Variants in ZNF41 observed in about 807,000 individuals in gnomAD.
ZNF41 encodes the protein zinc finger protein 41.
ZNF41 carries 6 observed loss-of-function variants against 9.3 expected under a neutral mutation model. The observed-to-expected ratio is 0.65, with a 90% CI of 0.35 to 1.28. ZNF41 has a LOEUF of 1.28. Ranked by LOEUF, ZNF41 falls within the 50% of genes most tolerant of loss-of-function variation. The pLI is 0.03. For synonymous variants in ZNF41, 192 were observed against 207.1 expected (o/e 0.93, Z 0.63); for missense variants, 523 against 585.8 (o/e 0.89, Z 1.11).
chrX:47,455,529 G>C (rs1362636174), intron 4 of ZNF41, among the ~76,000 whole-genome samples: 1 of 110,929 alleles, frequency 9.0e-6, no homozygotes, highest in East Asian at 2.8e-4. Flanking sequence ...AGGTTGCATT[G>C]AGCCAAGATC....
chrX:47,450,696 A>G (rs1211144403), intron 4 of ZNF41, among the ~76,000 whole-genome samples: 1 of 112,005 alleles, frequency 8.9e-6, no homozygotes, highest in Non-Finnish European at 1.9e-5. Context: ...CAGCAGTGGA[A>G]TATGAGCAGA....
intron 4 of ZNF41, among the ~76,000 whole-genome samples, chrX:47,454,179 T>A (rs1249811667): frequency 1.8e-5 from 2 of 110,575 alleles, no homozygotes; most frequent in Non-Finnish European, 3.8e-5. Flanking sequence ...GGGCAAATAA[T>A]AAATGGGATG....
In ZNF41 at chrX:47,449,024, T is replaced by G. The variant is rs34445771; in HGVS notation, c.746A>C (p.Glu249Ala). The change falls in exon 5 of 5, where the codon GAA (glutamate) becomes GCA (alanine). Residue 249 changes from glutamate to alanine, a missense_variant. By Grantham distance (107) the Glu-to-Ala change is moderately radical. Transcript: ENST00000684689. ...AGCTTGTTTGTGGCTGAGATGTTTT[T>G]CATAGTGGTCATGTTCACAGGAATT... ...GANSCEHDHY[E>A]KHLSHKQAPT... 722 of 1,209,897 alleles carry G rather than the reference T, an allele frequency of 6.0e-4. 4 individuals are homozygous for G. The African/African-American group carries it at 0.012, about 20-fold the overall frequency.
intron 1 of ZNF41, 36 bp downstream of exon 1, chrX:47,483,059 G>C (rs1208143929): frequency 2.7e-5 from 3 of 112,086 alleles, no homozygotes; most frequent in African/African-American, 6.5e-5. Flanking sequence ...CTCCCGCGGC[G>C]GCCGGGACCC....
In ZNF41 at chrX:47,448,887, C is replaced by A. The variant is rs775384177; in HGVS notation, c.883G>T (p.Gly295Ter). 8.3e-7 allele frequency: 1 copy of A among 1,211,652 alleles called. No individual in the cohort carries two copies. The highest frequency in any genetic ancestry group is 1.1e-6 in the Non-Finnish European group (1 of 895,537). ...HLFEHQRIHA[G>*]EKSRECDKSN... ...TTGTCACATTCACGGGACTTTTCTC[C>A]AGCATGAATTCTCTGATGCTCAAAC... is the stretch of plus-strand genomic sequence containing the variant. The change falls in exon 5 of 5, where the codon GGA becomes TGA. Residue 295 changes from glycine (G) to a stop codon, truncating the protein, a stop_gained. Transcript: ENST00000684689. LOFTEE classifies it low-confidence loss of function (END_TRUNC).
In ZNF41 at chrX:47,446,815, T is replaced by C. The variant is rs1242616155; in HGVS notation, c.*615A>G. 8.9e-6 allele frequency: 1 copy of C among 112,463 alleles called. No homozygotes were observed. Among genetic ancestry groups the C allele is most frequent in the Non-Finnish European group, 1.9e-5 (1 of 53,781 alleles). 9.3% of individuals were successfully genotyped at this position (112,463 alleles called of 1,213,427 possible). ...TAAAAATTCCATTGCACTTAAAATATATATACCATGAGGACTTCCCAAGGG... is the reference window on the plus strand; with the variant it reads ...TAAAAATTCCATTGCACTTAAAATACATATACCATGAGGACTTCCCAAGGG... On this transcript the variant is annotated 3_prime_UTR_variant, in exon 5 of 5. Transcript: ENST00000684689.
intron 4 of ZNF41, among the ~76,000 whole-genome samples, chrX:47,452,603 T>C (rs1474633228): frequency 1.8e-5 from 2 of 111,797 alleles, no homozygotes; most frequent in Non-Finnish European, 3.8e-5. Context: ...TATCTGCTAT[T>C]CCTTTATTCT....
chrX:47,457,128 G>C (rs946770511), intron 2 of ZNF41, among the ~76,000 whole-genome samples: 1 of 112,245 alleles, frequency 8.9e-6, no homozygotes, highest in Non-Finnish European at 1.9e-5. Flanking sequence ...ACATACATCA[G>C]GCTGGGCATG....
chrX:47,455,226 C>T (rs1049701148), intron 4 of ZNF41, among the ~76,000 whole-genome samples: 1 of 103,641 alleles, frequency 9.6e-6, no homozygotes, highest in Non-Finnish European at 2.0e-5. Flanking sequence ...GCCTGGGCAA[C>T]AAGAGCGAAA....
intron 2 of ZNF41, among the ~76,000 whole-genome samples, chrX:47,461,975 C>T (rs895922670): frequency 9.3e-6 from 1 of 107,625 alleles, no homozygotes; most frequent in Non-Finnish European, 1.9e-5. Context: ...CTCAAGCAAC[C>T]CTTTCACCTC....
rs752140939 is a variant in ZNF41, at chrX:47,449,092, AT to A, written c.677del (p.His226LeufsTer52). ...TCTCATTCTTAGTAGAGGAAGGGCTATGGGGGAAATTGTTACCATTTCCAAA... is the reference window on the plus strand; with the variant it reads ...TCTCATTCTTAGTAGAGGAAGGGCTAGGGGGAAATTGTTACCATTTCCAAA... ...KIFGNGNNFP[H>X]SPSSTKNENA... On this transcript the variant is annotated frameshift_variant, in exon 5 of 5. Coordinates refer to ENST00000684689, the MANE Select transcript of ZNF41 (RefSeq NM_001324144.2). LOFTEE classifies it low-confidence loss of function (END_TRUNC). The A allele has an allele frequency of 1.7e-5, 21 of 1,209,704 alleles. No individual in the cohort carries two copies. Among genetic ancestry groups the A allele is most frequent in the Non-Finnish European group, 2.2e-5 (20 of 895,199 alleles).
rs2056125174 is a variant in ZNF41, at chrX:47,446,701, T to C, written c.*729A>G. The C allele has an allele frequency of 8.9e-6, 1 of 111,803 alleles. No homozygotes were observed. The highest frequency in any genetic ancestry group is 3.3e-5 in the African/African-American group (1 of 30,751). The allele number at this position is 111,803 out of a possible 1,213,427, so 9.2% of individuals were successfully genotyped here. On this transcript the variant is annotated 3_prime_UTR_variant, in exon 5 of 5. Transcript: ENST00000684689. ...AATAATGAGACAACTACTACCTTTA[T>C]ATGTCTGTATCATTCAATGACTATA...
At chrX:47,477,064 C>T (rs1443812214) in intron 1 of ZNF41, 1 of 105,487 alleles carries the variant, frequency 9.5e-6, no homozygotes, top group East Asian at 3.1e-4. Flanking sequence ...CCATGTTGGC[C>T]AGGCTGGTCT....
intron 1 of ZNF41, among the ~76,000 whole-genome samples, chrX:47,472,046 G>C (rs1438195071): frequency 9.0e-6 from 1 of 111,504 alleles, no homozygotes; most frequent in East Asian, 2.8e-4. Flanking sequence ...TTGCTTGTTA[G>C]GATCATAAAC....
At chrX:47,482,667 C>A in intron 1 of ZNF41, 1 of 113,102 alleles carries the variant, frequency 8.8e-6, no homozygotes, top group Non-Finnish European at 1.9e-5. Context: ...GACTCTCAGG[C>A]AAGGAACATG....
chrX:47,447,698 T>C lies in ZNF41; in HGVS notation c.2072A>G (p.Tyr691Cys), dbSNP rs777060943. Residue 691 changes from tyrosine (Y) to cysteine (C), a missense_variant, in exon 5 of 5, where the codon TAT (tyrosine) becomes TGT (cysteine). Coordinates refer to ENST00000684689, the MANE Select transcript of ZNF41 (RefSeq NM_001324144.2). ...GGTTTTCCCGCAGTCACCACATTCA[T>C]AGGGTTTCTCCCTAGTGTGGATTTT... is the stretch of plus-strand genomic sequence containing the variant. ...HQKIHTREKPYECGDCGKTFT... is the reference protein window; with the variant it reads ...HQKIHTREKPCECGDCGKTFT... 2.5e-6 allele frequency: 3 copies of C among 1,211,941 alleles called. No homozygotes were observed. The highest frequency in any genetic ancestry group is 1.1e-6 in the Non-Finnish European group (1 of 895,590).
intron 1 of ZNF41, among the ~76,000 whole-genome samples, chrX:47,475,852 A>G (rs993971190): frequency 1.2e-4 from 13 of 111,849 alleles, no homozygotes; most frequent in African/African-American, 4.2e-4. Context: ...ATTGCCTTTG[A>G]CCAACAGAAT....
chrX:47,482,074 T>C (rs1312137652), intron 1 of ZNF41, among the ~76,000 whole-genome samples: 1 of 109,047 alleles, frequency 9.2e-6, no homozygotes, highest in Non-Finnish European at 1.9e-5. Context: ...AGACCTCCAG[T>C]AGTCACCCCG....
intron 2 of ZNF41, among the ~76,000 whole-genome samples, chrX:47,460,697 G>A (rs7879839): frequency 0.26 from 29,392 of 111,139 alleles, 2,960 homozygotes; most frequent in South Asian, 0.41. Flanking sequence ...AAACCACAAA[G>A]GATAGCATTA....
Sources: gnomAD v4.1 joint callset for allele counts (sites outside exome capture counted in the v4.1 genomes callset) on GRCh38, gnomAD v4.1.1 for gene constraint, MANE v1.5 for transcripts, NCBI Gene and HGNC (gene_info 2026-07-23, HGNC 2026-07-21) for gene names.